Variants in PRDM15 observed in about 807,000 individuals in gnomAD.
PRDM15 encodes PR domain zinc finger protein 15.
Under a neutral mutation model 128.6 loss-of-function variants are expected in PRDM15, and 64 were observed. The observed-to-expected ratio is 0.50, with a 90% CI of 0.41 to 0.61. The LOEUF is 0.61. Ranked by LOEUF, PRDM15 falls within the 20% of genes least tolerant of loss-of-function variation. The probability of loss-of-function intolerance (pLI) is 0.00; values close to 1 mark genes in which losing one functional copy is unlikely to be tolerated. For missense variants in PRDM15, 1,242 were observed against 1,569.1 expected, an observed-to-expected ratio of 0.79 and a Z score of 3.52; for synonymous variants, 615 against 621.8, an observed-to-expected ratio of 0.99 and a Z score of 0.16.
chr21:41,823,381 C>T lies in PRDM15; in HGVS notation c.1698G>A (p.Glu566=), dbSNP rs2062354560. The T allele has an allele frequency of 1.3e-6, 2 of 1,586,408 alleles. No homozygotes were observed. Among genetic ancestry groups the T allele is most frequent in the East Asian group, 2.3e-5 (1 of 42,930 alleles). Residue 566 remains glutamate (E), a synonymous_variant, in exon 14 of 24, where the codon GAG becomes GAA. Coordinates refer to ENST00000398548, the MANE Select transcript of PRDM15 (RefSeq NM_001040424.3). ...CGCGGAAGAACTTGCGCCCGCAGAT[C>T]TCGCAGGTGTACTTCTTGTCGCCGT... is the stretch of plus-strand genomic sequence containing the variant. ...LTHGDKKYTC[E]ICGRKFFRVD...
chr21:41,820,209 G>T, intron 16 of PRDM15, 35 bp from the exon 17 acceptor site: 1 of 1,578,406 alleles, frequency 6.3e-7, no homozygotes, highest in Non-Finnish European at 8.7e-7. Context: ...TGGCCGCACA[G>T]CCTCGGGGCT....
rs183919654 is a variant in PRDM15, at chr21:41,816,023, C to T, written c.2261-187G>A. Among the ~76,000 whole-genome samples, 287 of 152,316 alleles carry T rather than the reference C, an allele frequency of 1.9e-3. 1 individual carries two copies. Among genetic ancestry groups the T allele is most frequent in the African/African-American group, 6.2e-3 (258 of 41,584 alleles). On this transcript the variant is annotated intron_variant, in intron 18 of 23. Coordinates refer to ENST00000398548, the MANE Select transcript of PRDM15 (RefSeq NM_001040424.3). ...CTGGGAAGTGACTGTGCCCAGAGGC[C>T]GGGAGGGACTGACTGCAACATCAGG...
chr21:41,850,215 G>A (rs912576833), intron 5 of PRDM15, among the ~76,000 whole-genome samples: 1 of 152,114 alleles, frequency 6.6e-6, no homozygotes, highest in Non-Finnish European at 1.5e-5. Flanking sequence ...TTCTCAGAGC[G>A]AGACTAAAAG....
At chr21:41,815,645 C>T (rs2062022945) in intron 19 of PRDM15, 60 bp downstream of exon 19, 1 of 1,594,726 alleles carries the variant, frequency 6.3e-7, no homozygotes, top group African/African-American at 1.3e-5. Flanking sequence ...CTCCCACGGC[C>T]CACCTGGCTT....
At chr21:41,857,388 T>C in intron 3 of PRDM15, 59 bp from the exon 4 acceptor site, 1 of 1,582,212 alleles carries the variant, frequency 6.3e-7, no homozygotes, top group Non-Finnish European at 8.6e-7. Flanking sequence ...GACCGACTCG[T>C]TAAGATAACC....
At chr21:41,801,815 A>C in intron 23 of PRDM15, 93 bp from the exon 24 acceptor site, 1 of 1,353,024 alleles carries the variant, frequency 7.4e-7, no homozygotes, top group Non-Finnish European at 1.0e-6. Context: ...TACCACACCA[A>C]AGAAGCACGA....
intron 4 of PRDM15, 47 bp downstream of exon 4, chr21:41,857,129 C>T (rs1202801918): frequency 1.3e-6 from 2 of 1,573,768 alleles, no homozygotes; most frequent in Non-Finnish European, 1.7e-6. Context: ...ATGGGAACGC[C>T]AGAAAAACAC....
intron 21 of PRDM15, among the ~76,000 whole-genome samples, chr21:41,809,099 G>A (rs1257509837): frequency 6.6e-6 from 1 of 152,214 alleles, no homozygotes; most frequent in Non-Finnish European, 1.5e-5. Context: ...TTTCACCACG[G>A]CTGTTCTTCC....
chr21:41,821,243 T>G lies in PRDM15; in HGVS notation c.1897-13A>C. 6.2e-7 allele frequency: 1 copy of G among 1,613,880 alleles called. No individual in the cohort carries two copies. Among genetic ancestry groups the G allele is most frequent in the East Asian group, 2.2e-5 (1 of 44,874 alleles). On this transcript the variant is annotated splice_polypyrimidine_tract_variant and intron_variant, in intron 15 of 23. Coordinates refer to ENST00000398548, the MANE Select transcript of PRDM15 (RefSeq NM_001040424.3). The surrounding 1 kb of genome is among the most constrained non-coding windows in gnomAD (Gnocchi z 5.4). ...GGCCGAAGGTGAGCTGCGGGCCAGG[T>G]GGACAGGGCACTGCTGACACCCGCA... is the stretch of plus-strand genomic sequence containing the variant.
chr21:41,807,749 A>G (rs1216333197), intron 21 of PRDM15, among the ~76,000 whole-genome samples: 1 of 152,176 alleles, frequency 6.6e-6, no homozygotes, highest in African/African-American at 2.4e-5. Context: ...GATCAAAAGG[A>G]ATGACACAAA....
chr21:41,831,859 A>G (rs1248602381), intron 11 of PRDM15, among the ~76,000 whole-genome samples: 2 of 152,172 alleles, frequency 1.3e-5, no homozygotes, highest in African/African-American at 4.8e-5. Context: ...GCGTGACCTC[A>G]GCCCAGAGCC....
chr21:41,874,779 G>A (rs2064351681), intron 1 of PRDM15: 1 of 152,114 alleles, frequency 6.6e-6, no homozygotes, highest in Admixed American at 6.5e-5. Flanking sequence ...GAGCTGTCAG[G>A]TGCAGACCTG....
At chr21:41,865,544 G>A (rs1435137447) in intron 1 of PRDM15, among the ~76,000 whole-genome samples, 2 of 152,220 alleles carry the variant, frequency 1.3e-5, no homozygotes, top group East Asian at 3.9e-4. Flanking sequence ...GTCCACCCCA[G>A]GCACAGCCAC....
chr21:41,815,030 T>C (rs539355758), intron 19 of PRDM15: 3 of 155,098 alleles, frequency 1.9e-5, no homozygotes, highest in African/African-American at 7.2e-5. Flanking sequence ...CTCGTGTTAG[T>C]GATTGCGCAG....
At chr21:41,867,299 C>A (rs1307013169) in intron 1 of PRDM15, 1 of 1,612,404 alleles carries the variant, frequency 6.2e-7, no homozygotes, top group Admixed American at 1.7e-5. Flanking sequence ...CTAGCCCTGA[C>A]CTCCTCCGTT....
rs1338179992 is a variant in PRDM15, at chr21:41,802,837, G to C, written c.2818C>G (p.Pro940Ala). ...ACCGGAGCACCCGCCTCCTCTTCTGGCTTCTGCTTTCTCTTGTGACTTCGC... is the reference window on the plus strand; with the variant it reads ...ACCGGAGCACCCGCCTCCTCTTCTGCCTTCTGCTTTCTCTTGTGACTTCGC... ...AKRSHKRKQKPEEEAGAPVPE... is the reference protein window; with the variant it reads ...AKRSHKRKQKAEEEAGAPVPE... Residue 940 changes from proline to alanine, a missense_variant, in exon 23 of 24, where the codon CCA becomes GCA. Transcript: ENST00000398548. 3 of 1,614,032 alleles carry C rather than the reference G, an allele frequency of 1.9e-6. No homozygotes were observed. Among genetic ancestry groups the C allele is most frequent in the Non-Finnish European group, 2.5e-6 (3 of 1,180,032 alleles).
intron 16 of PRDM15, 83 bp downstream of exon 16, chr21:41,820,984 G>T: frequency 6.5e-7 from 1 of 1,546,168 alleles, no homozygotes; most frequent in South Asian, 1.1e-5. Flanking sequence ...GCTACAAATG[G>T]CTCCTTATAG....
chr21:41,823,578 C>T, intron 13 of PRDM15, 129 bp from the exon 14 acceptor site: 1 of 910,912 alleles, frequency 1.1e-6, no homozygotes, highest in Non-Finnish European at 1.6e-6. Flanking sequence ...GGCCTTGCAT[C>T]TCCAGTTCCT....
In PRDM15 at chr21:41,861,541, C is replaced by G. The variant is rs181240699; in HGVS notation, c.-9-1169G>C. The G allele has an allele frequency of 7.2e-4, 1,127 of 1,567,580 alleles. 12 individuals are homozygous for G. The African/African-American group carries it at 0.013, about 18-fold the overall frequency. ...AATGATTATTCCTCCTCTGCCCCCC[C>G]CCAATCCCCAACTGTGCGCACCGGC... On this transcript the variant is annotated intron_variant, in intron 1 of 23. Coordinates refer to ENST00000398548, the MANE Select transcript of PRDM15 (RefSeq NM_001040424.3).
Sources: allele counts gnomAD v4.1 joint callset (sites outside exome capture counted in the v4.1 genomes callset), GRCh38; gene constraint gnomAD v4.1.1; non-coding constraint Gnocchi (gnomAD v3.1); transcripts MANE v1.5; gene names NCBI Gene and HGNC (gene_info 2026-07-23, HGNC 2026-07-21).